ATP2B1: variants seen among roughly 807,000 people sequenced by gnomAD.
ATP2B1 encodes the protein plasma membrane calcium-transporting ATPase 1.
In ATP2B1, 14 loss-of-function variants were observed where a neutral mutation model predicts 124.2. The ratio of observed to expected loss-of-function variants is 0.11; its 90% CI spans 0.07 to 0.18. The LOEUF (loss-of-function observed/expected upper bound fraction) is 0.18. Among genes scored for constraint, ATP2B1 ranks in the 10% least tolerant of loss-of-function variants. The probability of loss-of-function intolerance (pLI) is 1.00; values close to 1 mark genes in which losing one functional copy is unlikely to be tolerated. For synonymous variants in ATP2B1, 449 were observed against 492.4 expected, an observed-to-expected ratio of 0.91 and a Z score of 1.17; for missense variants, 763 against 1,466.1, an observed-to-expected ratio of 0.52 and a Z score of 7.83.
chr12:89,647,897 T>G (rs1358568163), intron 2 of ATP2B1, among the ~76,000 whole-genome samples: 1 of 152,120 alleles, frequency 6.6e-6, no homozygotes, highest in Non-Finnish European at 1.5e-5. Flanking sequence ...CTTCTCTCAC[T>G]CTCACTCTCA....
chr12:89,651,705 C>G (rs888550174), intron 2 of ATP2B1, among the ~76,000 whole-genome samples: 3 of 152,170 alleles, frequency 2.0e-5, no homozygotes, highest in African/African-American at 7.2e-5. Flanking sequence ...CCTCTTTCTT[C>G]ATAGTGCAAC....
chr12:89,631,661 T>G (rs1881874291), intron 5 of ATP2B1, among the ~76,000 whole-genome samples: 1 of 152,178 alleles, frequency 6.6e-6, no homozygotes, highest in Non-Finnish European at 1.5e-5. Flanking sequence ...CTTACAAACT[T>G]ACTCATCCAC....
intron 1 of ATP2B1, among the ~76,000 whole-genome samples, chr12:89,691,023 T>C (rs1890496322): frequency 6.6e-6 from 1 of 152,170 alleles, no homozygotes; most frequent in South Asian, 2.1e-4. Flanking sequence ...AAAAACGATC[T>C]AGTTTTTGAC....
chr12:89,694,281 T>C (rs1194490961), intron 1 of ATP2B1, among the ~76,000 whole-genome samples: 1 of 152,182 alleles, frequency 6.6e-6, no homozygotes, highest in Non-Finnish European at 1.5e-5. Context: ...ATATCCCACT[T>C]ACAGCTGTCA....
At chr12:89,607,393 G>A (rs1362855560) in intron 15 of ATP2B1, among the ~76,000 whole-genome samples, 2 of 151,776 alleles carry the variant, frequency 1.3e-5, no homozygotes, top group Non-Finnish European at 2.9e-5. Context: ...ACCCTTCCCA[G>A]TCTCTACAGG....
chr12:89,705,631 T>C (rs1892361220), intron 1 of ATP2B1, among the ~76,000 whole-genome samples: 1 of 152,166 alleles, frequency 6.6e-6, no homozygotes, highest in African/African-American at 2.4e-5. Context: ...CAAAGGAAAT[T>C]AGTAAATCTT....
chr12:89,604,414 C>T (rs1876440114), intron 15 of ATP2B1, 68 bp from the exon 16 acceptor site: 1 of 1,265,344 alleles, frequency 7.9e-7, no homozygotes, highest in Non-Finnish European at 1.1e-6. Flanking sequence ...TCAAAAAATA[C>T]ACACTTAATA....
intron 1 of ATP2B1, among the ~76,000 whole-genome samples, chr12:89,672,528 CT>C (rs1565898483): frequency 6.6e-6 from 1 of 152,096 alleles, no homozygotes; most frequent in Non-Finnish European, 1.5e-5. Flanking sequence ...CTTTCTATTC[CT>C]TTCTTATCTA....
chr12:89,626,380 T>G (rs1325910750), intron 8 of ATP2B1, 74 bp downstream of exon 8: 5 of 1,457,040 alleles, frequency 3.4e-6, no homozygotes, highest in Non-Finnish European at 4.6e-6. Flanking sequence ...CAGCCTTAAG[T>G]GTGTCAAAAG....
chr12:89,613,768 A>G (rs540395234), intron 12 of ATP2B1, among the ~76,000 whole-genome samples: 2 of 152,332 alleles, frequency 1.3e-5, no homozygotes, highest in South Asian at 4.1e-4. Context: ...AACATTTATT[A>G]ACTGCCTACT....
chr12:89,604,576 G>T (rs1876473113), intron 15 of ATP2B1, among the ~76,000 whole-genome samples: 1 of 151,938 alleles, frequency 6.6e-6, no homozygotes, highest in Admixed American at 6.6e-5. Context: ...GTTCAAGTTG[G>T]GTTAAAAATG....
intron 2 of ATP2B1, among the ~76,000 whole-genome samples, chr12:89,654,634 T>C (rs1341245276): frequency 1.3e-5 from 2 of 152,116 alleles, no homozygotes; most frequent in African/African-American, 4.8e-5. Context: ...ATGAATTACA[T>C]AGGTTACAAA....
intron 12 of ATP2B1, 122 bp from the exon 13 acceptor site, chr12:89,611,494 TTAA>T (rs1878009075): frequency 5.5e-6 from 4 of 723,130 alleles, no homozygotes; most frequent in Non-Finnish European, 8.1e-6. Context: ...ATACAATGAC[TTAA>T]TAATGATTGA....
chr12:89,646,108 G>A (rs1251126437), intron 2 of ATP2B1, among the ~76,000 whole-genome samples: 1 of 151,784 alleles, frequency 6.6e-6, no homozygotes, highest in Non-Finnish European at 1.5e-5. Context: ...TTTGCGAGGG[G>A]GAGGGGTCTT....
chr12:89,652,976 G>A (rs886214010), intron 2 of ATP2B1, among the ~76,000 whole-genome samples: 7 of 152,098 alleles, frequency 4.6e-5, no homozygotes, highest in Non-Finnish European at 7.4e-5. Context: ...AAAACCTCCC[G>A]CCTTGGCCTT....
chr12:89,693,935 C>T (rs557453339), intron 1 of ATP2B1, among the ~76,000 whole-genome samples: 1 of 152,256 alleles, frequency 6.6e-6, no homozygotes, highest in East Asian at 1.9e-4. Context: ...TTATCCTACA[C>T]CTCTCTCCAT....
chr12:89,661,251 T>A (rs1428401394), intron 1 of ATP2B1, among the ~76,000 whole-genome samples: 1 of 152,182 alleles, frequency 6.6e-6, no homozygotes, highest in East Asian at 1.9e-4. Flanking sequence ...TTAATCAGAG[T>A]AATTACTGAT....
chr12:89,653,283 C>CT lies in ATP2B1; in HGVS notation c.208+2395dup, dbSNP rs149270069. On this transcript the variant is annotated intron_variant, in intron 2 of 20. Transcript: ENST00000428670. ...GCAACAATTCACATAGAATTTTTTT[C>CT]TTTTTTTTTTTTTTTTTTTTTTTTG... Among the ~76,000 whole-genome samples, 122 of 76,106 alleles carry CT rather than the reference C, an allele frequency of 1.6e-3. 1 individual carries two copies. The highest frequency in any genetic ancestry group is 3.3e-3 in the African/African-American group (65 of 19,686). The allele number at this position is 76,106 out of a possible 152,430, so 49.9% of individuals were successfully genotyped here. A position where few individuals can be genotyped will look rare whatever the true frequency, so the allele number is the denominator to read the frequency against.
chr12:89,699,465 T>A (rs1891556871), intron 1 of ATP2B1, among the ~76,000 whole-genome samples: 1 of 152,112 alleles, frequency 6.6e-6, no homozygotes, highest in Non-Finnish European at 1.5e-5. Context: ...AAGGCAAACC[T>A]AACAGAATAA....
Sources: gnomAD v4.1 joint callset for allele counts (sites outside exome capture counted in the v4.1 genomes callset) on GRCh38, gnomAD v4.1.1 for gene constraint, MANE v1.5 for transcripts, NCBI Gene and HGNC (gene_info 2026-07-23, HGNC 2026-07-21) for gene names.